Variants in RMI1 observed in about 807,000 individuals in gnomAD.
RMI1 encodes RecQ mediated genome instability 1, also known as recQ-mediated genome instability protein 1.
A neutral mutation model predicts 46.7 loss-of-function variants in RMI1; 36 were observed. That is an observed-to-expected ratio of 0.77 (90% CI 0.59 to 1.02). The LOEUF (loss-of-function observed/expected upper bound fraction) is 1.02, where lower values mean the gene tolerates loss of function less well. RMI1 is among the 50% of genes least tolerant of loss of function. The pLI, the probability that RMI1 is intolerant of heterozygous loss-of-function variation, is 0.00. For synonymous variants in RMI1, 250 were observed against 252.9 expected (o/e 0.99, Z 0.11); for missense variants, 676 against 713.7 (o/e 0.95, Z 0.60).
intron 1 of RMI1, among the ~76,000 whole-genome samples, chr9:83,997,637 C>G (rs1957677862): frequency 6.6e-6 from 1 of 151,970 alleles, no homozygotes; most frequent in Non-Finnish European, 1.5e-5. Context: ...AACCAGATCT[C>G]AGGAGCACTT....
intron 1 of RMI1, among the ~76,000 whole-genome samples, chr9:83,982,611 T>C (rs1317862035): frequency 6.6e-6 from 1 of 151,826 alleles, no homozygotes; most frequent in Non-Finnish European, 1.5e-5. Context: ...GATCTTGCAG[T>C]GAGCCGAGAT....
intron 1 of RMI1, among the ~76,000 whole-genome samples, chr9:83,985,909 T>C (rs553131790): frequency 1.3e-5 from 2 of 152,174 alleles, no homozygotes; most frequent in East Asian, 3.9e-4. Flanking sequence ...CTTGGGAGGC[T>C]GAGGCAGGAG....
At chr9:83,998,008 G>A (rs150277100) in intron 1 of RMI1, among the ~76,000 whole-genome samples, 10 of 152,030 alleles carry the variant, frequency 6.6e-5, no homozygotes, top group African/African-American at 2.4e-4. Flanking sequence ...TGTTGCCCAG[G>A]CTGGTCTTGA....
chr9:83,980,956 AC>A (rs1957369520), intron 1 of RMI1, 65 bp downstream of exon 1: 1 of 152,104 alleles, frequency 6.6e-6, no homozygotes, highest in East Asian at 1.9e-4. Context: ...GAAGCCCCTT[AC>A]CCCGCCCCGG....
intron 1 of RMI1, among the ~76,000 whole-genome samples, chr9:83,996,316 G>T (rs1957652695): frequency 6.6e-6 from 1 of 152,194 alleles, no homozygotes; most frequent in Non-Finnish European, 1.5e-5. Context: ...TGTAGGTGTT[G>T]GGTGGAACTT....
At chr9:83,988,446 G>C (rs893895855) in intron 1 of RMI1, among the ~76,000 whole-genome samples, 2 of 152,182 alleles carry the variant, frequency 1.3e-5, no homozygotes, top group Admixed American at 6.5e-5. Flanking sequence ...TGGGACTACA[G>C]GCATGCACCA....
At chr9:83,997,457 A>G (rs1191032595) in intron 1 of RMI1, among the ~76,000 whole-genome samples, 1 of 150,458 alleles carries the variant, frequency 6.6e-6, no homozygotes, top group Non-Finnish European at 1.5e-5. Context: ...ATTATTTGTT[A>G]CTCCTGACTT....
rs778616237 is a variant in RMI1 at position 84,002,582 on chromosome 9, A to G, written c.1596A>G (p.Ala532=). 1.2e-6 allele frequency: 2 copies of G among 1,613,872 alleles called. No homozygotes were observed. Among genetic ancestry groups the G allele is most frequent in the African/African-American group, 2.7e-5 (2 of 74,936 alleles). ...SSSGGIWSIT[A]KVSDGTAYLD... is the part of the protein sequence containing the mutation. ...CTGGTGGTATTTGGAGTATAACTGC[A>G]AAGGTGTCTGATGGTACTGCATATC... Residue 532 remains alanine (A), a synonymous_variant, in exon 3 of 3, where the codon GCA becomes GCG. Transcript: ENST00000445877.
rs546470181 is a variant in RMI1, at chr9:84,000,976, A to G, written c.-11A>G. On this transcript the variant is annotated 5_prime_UTR_variant, in exon 3 of 3. Transcript: ENST00000445877. ...GTAATAGATGCATATTATTTCTTTT[A>G]TTTAAAAGAAATGAATGTGACTAGT... 39 of 1,556,600 alleles carry G rather than the reference A, an allele frequency of 2.5e-5. No homozygotes were observed. The East Asian group carries it at 8.8e-4, about 35-fold the overall frequency.
At chr9:83,991,535 C>T (rs1289111987) in intron 1 of RMI1, among the ~76,000 whole-genome samples, 2 of 152,050 alleles carry the variant, frequency 1.3e-5, no homozygotes, top group East Asian at 1.9e-4. Flanking sequence ...CCAGGTTGCT[C>T]CTGAACTTTT....
intron 1 of RMI1, among the ~76,000 whole-genome samples, chr9:83,985,505 G>A (rs1043516115): frequency 2.6e-5 from 4 of 152,176 alleles, no homozygotes; most frequent in Admixed American, 2.0e-4. Flanking sequence ...TGGGTGTTTA[G>A]TCAATGGAAT....
At chr9:83,989,651 A>G (rs1957538744) in intron 1 of RMI1, among the ~76,000 whole-genome samples, 1 of 136,578 alleles carries the variant, frequency 7.3e-6, no homozygotes, top group Admixed American at 8.1e-5. Flanking sequence ...CCCAGTTAAA[A>G]TGGCTATCAA....
chr9:84,003,157 C>T lies in RMI1; in HGVS notation c.*293C>T. The T allele has an allele frequency of 4.8e-6, 1 of 207,942 alleles. No homozygotes were observed. The highest frequency in any genetic ancestry group is 1.0e-5 in the Non-Finnish European group (1 of 95,438). The allele number at this position is 207,942 out of a possible 1,614,324, so 12.9% of individuals were successfully genotyped here. A position where few individuals can be genotyped will look rare whatever the true frequency, so the allele number is the denominator to read the frequency against. On this transcript the variant is annotated 3_prime_UTR_variant, in exon 3 of 3. Coordinates refer to ENST00000445877, the MANE Select transcript of RMI1 (RefSeq NM_001358291.2). ...CTCTTGAGCTCAAGCGATCCTCCTGCCTTAGCCTCTTGAGTTGCTGGGACT... is the reference window on the plus strand; with the variant it reads ...CTCTTGAGCTCAAGCGATCCTCCTGTCTTAGCCTCTTGAGTTGCTGGGACT...
chr9:83,995,732 A>G (rs928383921), intron 1 of RMI1, among the ~76,000 whole-genome samples: 4 of 152,172 alleles, frequency 2.6e-5, no homozygotes, highest in African/African-American at 7.2e-5. Flanking sequence ...CCAGCAGGTA[A>G]TATCTTAATC....
At chr9:83,986,189 G>C (rs1361765982) in intron 1 of RMI1, among the ~76,000 whole-genome samples, 1 of 152,200 alleles carries the variant, frequency 6.6e-6, no homozygotes. Flanking sequence ...CTTAACCGCA[G>C]CACTATGTCG....
intron 1 of RMI1, among the ~76,000 whole-genome samples, chr9:83,994,261 G>T (rs1372895300): frequency 6.6e-6 from 1 of 152,090 alleles, no homozygotes; most frequent in Non-Finnish European, 1.5e-5. Context: ...TTTTTACTCT[G>T]TTGATTGTGT....
At chr9:83,985,793 G>T (rs1175759974) in intron 1 of RMI1, among the ~76,000 whole-genome samples, 1 of 152,220 alleles carries the variant, frequency 6.6e-6, no homozygotes, top group Non-Finnish European at 1.5e-5. Flanking sequence ...TGGATCACGA[G>T]GTCAGGAGAT....
At chr9:83,985,241 A>G (rs1331178585) in intron 1 of RMI1, among the ~76,000 whole-genome samples, 1 of 152,228 alleles carries the variant, frequency 6.6e-6, no homozygotes, top group Non-Finnish European at 1.5e-5. Flanking sequence ...AACCTATTAC[A>G]CATCATCTTT....
intron 2 of RMI1, 104 bp from the exon 3 acceptor site, chr9:84,000,847 A>G (rs531035769): frequency 5.0e-6 from 3 of 604,892 alleles, no homozygotes; most frequent in African/African-American, 1.8e-5. Context: ...GATGCTGAAG[A>G]GTGAAAAATC....
Sources: gnomAD v4.1 joint callset for allele counts (sites outside exome capture counted in the v4.1 genomes callset) on GRCh38, gnomAD v4.1.1 for gene constraint, MANE v1.5 for transcripts, NCBI Gene and HGNC (gene_info 2026-07-23, HGNC 2026-07-21) for gene names.